Variants in UGT1A6 observed in about 807,000 individuals in gnomAD.
UGT1A6 encodes the protein UDP glucuronosyltransferase family 1 member A6, also known as UDP-glucuronosyltransferase 1A6.
UGT1A6 carries 32 observed loss-of-function variants against 44.4 expected under a neutral mutation model. The observed-to-expected ratio is 0.72, with a 90% confidence interval of 0.54 to 0.97. The LOEUF (loss-of-function observed/expected upper bound fraction) is 0.97, where lower values mean the gene tolerates loss of function less well. UGT1A6 is among the 50% of genes least tolerant of loss of function. The pLI, the probability that UGT1A6 is intolerant of heterozygous loss-of-function variation, is 0.00. For synonymous variants in UGT1A6, 238 were observed against 248.5 expected, an observed-to-expected ratio of 0.96 and a Z score of 0.40; for missense variants, 685 against 661.9, an observed-to-expected ratio of 1.03 and a Z score of -0.38.
rs143192680 is a variant in UGT1A6, at chr2:233,767,666, C to G, written c.994-183C>G. 1.9e-3 allele frequency among the ~76,000 whole-genome samples: 295 copies of G among 152,308 alleles called. 3 individuals carry two copies. The highest frequency in any genetic ancestry group is 0.013 in the Admixed American group (199 of 15,308). On this transcript the variant is annotated intron_variant, in intron 2 of 4. Coordinates refer to ENST00000305139, the MANE Select transcript of UGT1A6 (RefSeq NM_001072.4). ...TCACGTAGTGCATACACCCTTGTAA[C>G]TAAACCTCCAAAACAAGATGCCGGA...
chr2:233,705,342 G>A (rs2075842157), intron 1 of UGT1A6, among the ~76,000 whole-genome samples: 1 of 152,060 alleles, frequency 6.6e-6, no homozygotes, highest in Non-Finnish European at 1.5e-5. Flanking sequence ...CTCAATTTTT[G>A]TCTTATTACA....
Position 233,772,366 on chromosome 2 carries a change from G to T in UGT1A6, c.1406G>T (p.Gly469Val). Residue 469 changes from glycine (G) to valine (V), a missense_variant, in exon 5 of 5, where the codon GGC (glycine) becomes GTC (valine). Physicochemically the swap from Gly to Val is moderately radical, Grantham distance 109. Transcript: ENST00000305139. ...GTGGAGTTTGTGATGAGGCACAAGG[G>T]CGCGCCACACCTGCGCCCCGCAGCC... ...FWVEFVMRHK[G>V]APHLRPAAHD... The T allele has an allele frequency of 6.2e-7, 1 of 1,614,234 alleles. No individual in the cohort carries two copies. The highest frequency in any genetic ancestry group is 8.5e-7 in the Non-Finnish European group (1 of 1,180,048).
At chr2:233,719,031 G>C (rs140140394) in intron 1 of UGT1A6, 1,168 of 1,614,166 alleles carry the variant, frequency 7.2e-4, no homozygotes, top group Non-Finnish European at 9.3e-4. Flanking sequence ...GCACATCAAA[G>C]AAGAGAAATT....
Position 233,772,824 on chromosome 2 carries a change from C to A in UGT1A6, c.*265C>A. On this transcript the variant is annotated 3_prime_UTR_variant, in exon 5 of 5. Coordinates refer to ENST00000305139, the MANE Select transcript of UGT1A6 (RefSeq NM_001072.4). ...ATTTTTCAGAGGACGTGCAGACAGG[C>A]TGGCATTCTAGATTACTTTTCTTAC... 3 of 955,748 alleles carry A rather than the reference C, an allele frequency of 3.1e-6. No individual in the cohort carries two copies. The highest frequency in any genetic ancestry group is 2.9e-6 in the Non-Finnish European group (2 of 693,186). 59.2% of individuals were successfully genotyped at this position (955,748 alleles called of 1,614,324 possible).
At chr2:233,735,447 G>A (rs1470432521) in intron 1 of UGT1A6, among the ~76,000 whole-genome samples, 4 of 152,136 alleles carry the variant, frequency 2.6e-5, no homozygotes, top group Non-Finnish European at 5.9e-5. Flanking sequence ...ATACCGATGG[G>A]CCTTGACTCT....
At chr2:233,692,430 T>G, upstream of UGT1A6, 1 of 155,338 alleles carries the variant, frequency 6.4e-6, no homozygotes, top group Non-Finnish European at 1.4e-5. Flanking sequence ...CAGACAGAAG[T>G]TGTGGGTAAC....
At chr2:233,719,697 G>A in intron 1 of UGT1A6, 1 of 1,613,928 alleles carries the variant, frequency 6.2e-7, no homozygotes. Context: ...GGTCTGTATT[G>A]GTGCCTTCAT....
intron 1 of UGT1A6, chr2:233,755,031 C>T: frequency 7.6e-7 from 1 of 1,312,808 alleles, no homozygotes; most frequent in South Asian, 1.2e-5. Context: ...GAAGGGCCTG[C>T]CGCCTGCGCA....
In UGT1A6 at chr2:233,743,758, G is replaced by T. The variant is rs761738753; in HGVS notation, c.862-23276G>T. 5 of 1,367,210 alleles carry T rather than the reference G, an allele frequency of 3.7e-6. No homozygotes were observed. In the Admixed American group the frequency reaches 9.5e-5, roughly 26 times the overall value. 84.7% of individuals were successfully genotyped at this position (1,367,210 alleles called of 1,614,324 possible). ...GTTTCTTGGCGTCCGACAACACCTCGTAGGCCTCGGCCACCTGCTTGAATC... is the reference window on the plus strand; with the variant it reads ...GTTTCTTGGCGTCCGACAACACCTCTTAGGCCTCGGCCACCTGCTTGAATC... On this transcript the variant is annotated intron_variant, in intron 1 of 4. Coordinates refer to ENST00000305139, the MANE Select transcript of UGT1A6 (RefSeq NM_001072.4).
At chr2:233,758,352 G>C (rs141624801) in intron 1 of UGT1A6, among the ~76,000 whole-genome samples, 5 of 152,316 alleles carry the variant, frequency 3.3e-5, no homozygotes, top group Middle Eastern at 3.4e-3. Context: ...GCATGATGCA[G>C]GAAAGTCATA....
chr2:233,765,405 A>G (rs568434598), intron 1 of UGT1A6, among the ~76,000 whole-genome samples: 1 of 152,328 alleles, frequency 6.6e-6, no homozygotes, highest in South Asian at 2.1e-4. Context: ...GTACATATAC[A>G]CCATGGAATA....
At chr2:233,760,734 G>C (rs1458334680) in intron 1 of UGT1A6, 2 of 1,614,080 alleles carry the variant, frequency 1.2e-6, no homozygotes, top group Non-Finnish European at 1.7e-6. Context: ...ATGTCATGCT[G>C]ACGGACCCTT....
intron 1 of UGT1A6, among the ~76,000 whole-genome samples, chr2:233,712,747 C>CA (rs2076252881): frequency 6.6e-6 from 1 of 152,002 alleles, no homozygotes; most frequent in African/African-American, 2.4e-5. Context: ...TTGGATGTTC[C>CA]CCAGAGCGAG....
Position 233,713,826 on chromosome 2 carries a change from A to G in UGT1A6, c.861+19961A>G, listed in dbSNP as rs973354070. 6.2e-6 allele frequency: 10 copies of G among 1,613,990 alleles called. No individual in the cohort carries two copies. The African/African-American group carries it at 1.3e-4, about 22-fold the overall frequency. ...GCCCAACATGGTCTTCATTGGGGGC[A>G]TCAACTGTGCCAACGGGAAGCCACT... is the stretch of plus-strand genomic sequence containing the variant. On this transcript the variant is annotated intron_variant, in intron 1 of 4. Coordinates refer to ENST00000305139, the MANE Select transcript of UGT1A6 (RefSeq NM_001072.4).
intron 1 of UGT1A6, among the ~76,000 whole-genome samples, chr2:233,699,089 G>A (rs2075483565): frequency 6.6e-6 from 1 of 152,136 alleles, no homozygotes; most frequent in African/African-American, 2.4e-5. Flanking sequence ...CTCTAGCCCT[G>A]TGCACCTCAT....
intron 1 of UGT1A6, chr2:233,755,414 G>T (rs11673726): frequency 0.36 from 117,303 of 321,602 alleles, 22,184 homozygotes; most frequent in African/African-American, 0.41. Context: ...GCCGAGGCCT[G>T]TGAGCGCCTC....
At chr2:233,754,362 T>G in intron 1 of UGT1A6, 1 of 282,658 alleles carries the variant, frequency 3.5e-6, no homozygotes, top group Non-Finnish European at 6.9e-6. Flanking sequence ...TACAGATATT[T>G]ACAATGATCG....
At chr2:233,745,026 A>G (rs1010617743) in intron 1 of UGT1A6, among the ~76,000 whole-genome samples, 2 of 151,918 alleles carry the variant, frequency 1.3e-5, no homozygotes, top group Non-Finnish European at 2.9e-5. Flanking sequence ...TGCTATGTAA[A>G]TAGTTGTTTT....
intron 1 of UGT1A6, chr2:233,713,463 G>A (rs762349371): frequency 3.5e-5 from 56 of 1,613,940 alleles, no homozygotes; most frequent in Admixed American, 3.0e-4. Context: ...TCACCTCTGC[G>A]CGGCGGTGCT....
Sources: gnomAD v4.1 joint callset for allele counts (sites outside exome capture counted in the v4.1 genomes callset) on GRCh38, gnomAD v4.1.1 for gene constraint, MANE v1.5 for transcripts, NCBI Gene and HGNC (gene_info 2026-07-23, HGNC 2026-07-21) for gene names.